ESRRG: variants seen among roughly 807,000 people sequenced by gnomAD.
ESRRG encodes estrogen-related receptor gamma.
ESRRG carries 13 observed loss-of-function variants against 44.0 expected under a neutral mutation model. The ratio of observed to expected loss-of-function variants is 0.30; its 90% confidence interval spans 0.19 to 0.47. The LOEUF (loss-of-function observed/expected upper bound fraction) is 0.47, where lower values mean the gene tolerates loss of function less well. Among genes scored for constraint, ESRRG ranks in the 20% least tolerant of loss-of-function variants. The pLI is 1.00. For missense variants in ESRRG, 395 were observed against 580.6 expected, an observed-to-expected ratio of 0.68 and a Z score of 3.29; for synonymous variants, 215 against 214.6, an observed-to-expected ratio of 1.00 and a Z score of -0.02.
At chr1:216,525,508 C>T (rs185824571) in intron 5 of ESRRG, among the ~76,000 whole-genome samples, 1 of 128,428 alleles carries the variant, frequency 7.8e-6, no homozygotes. Context: ...CAAGTATGGG[C>T]TGAGCTGCCT....
At chr1:216,734,857 C>T (rs375135164) in intron 2 of ESRRG, among the ~76,000 whole-genome samples, 1 of 151,312 alleles carries the variant, frequency 6.6e-6, no homozygotes, top group Non-Finnish European at 1.5e-5. Context: ...CCCCTCTACC[C>T]TGTAAATAAA....
In ESRRG at chr1:217,119,151, G is replaced by C. The variant is rs185436793; in HGVS notation, c.-230+18516C>G. 2.3e-3 allele frequency among the ~76,000 whole-genome samples: 344 copies of C among 152,242 alleles called. 2 individuals are homozygous for C. Among genetic ancestry groups the C allele is most frequent in the African/African-American group, 7.9e-3 (327 of 41,544 alleles). On this transcript the variant is annotated intron_variant, in intron 1 of 8. Coordinates refer to the ESRRG transcript ENST00000366940. ...ATAAAAAGAATTCTTATGCCAATTT[G>C]GGTTAATGCAATTAAAATAGCACCA... is the stretch of plus-strand genomic sequence containing the variant.
rs545458494 is a variant in ESRRG, at chr1:216,765,214, A to T, written c.-13-87723T>A. 8.5e-5 allele frequency among the ~76,000 whole-genome samples: 13 copies of T among 152,220 alleles called. No homozygotes were observed. The East Asian group carries it at 2.5e-3, about 29-fold the overall frequency. ...GATGTCTGGCCTGGAAGAGAAGGGA[A>T]GGGCTGGAGGCAGGAAGGGAGAAAA... On this transcript the variant is annotated intron_variant, in intron 2 of 7. Coordinates refer to the ESRRG transcript ENST00000359162.
chr1:216,660,660 A>G (rs533158129), intron 2 of ESRRG, among the ~76,000 whole-genome samples: 2 of 152,318 alleles, frequency 1.3e-5, no homozygotes, highest in East Asian at 3.9e-4. Context: ...GCCAGTCAGA[A>G]AGGAAATTTT....
At position 216,945,141 on chromosome 1, in the gene ESRRG, T is replaced by G. The variant is rs2065862722; in HGVS notation, c.-105-5468A>C. Among the ~76,000 whole-genome samples, 2 of 152,040 alleles carry G rather than the reference T, an allele frequency of 1.3e-5. 1 individual carries two copies. The highest frequency in any genetic ancestry group is 1.3e-4 in the Admixed American group (2 of 15,272). ...GCGATACCAAGGATTAGCTAAAGCC[T>G]AAACCCAAATGAAAGCACCCTCTGC... On this transcript the variant is annotated intron_variant, in intron 1 of 7. Transcript: ENST00000359162.
intron 1 of ESRRG, among the ~76,000 whole-genome samples, chr1:216,998,099 G>A (rs1218404315): frequency 6.6e-6 from 1 of 152,040 alleles, no homozygotes; most frequent in Non-Finnish European, 1.5e-5. Flanking sequence ...TCATAGCTCT[G>A]GCTAAGGAGC....
intron 2 of ESRRG, among the ~76,000 whole-genome samples, chr1:216,796,853 T>A (rs1159068197): frequency 6.6e-6 from 1 of 152,120 alleles, no homozygotes. Context: ...CAGCATCACT[T>A]TTTTAAAAAA....
intron 2 of ESRRG, among the ~76,000 whole-genome samples, chr1:216,756,134 CTCTA>C (rs1358681825): frequency 6.6e-6 from 1 of 151,932 alleles, no homozygotes; most frequent in East Asian, 1.9e-4. Context: ...ATAGCATCTG[CTCTA>C]TCTAATTCAC....
At position 216,649,868 on chromosome 1, in the gene ESRRG, C is replaced by T. The variant is rs541445369; in HGVS notation, c.589+1105G>A. 1.7e-3 allele frequency among the ~76,000 whole-genome samples: 265 copies of T among 152,152 alleles called. 2 individuals are homozygous for T. The highest frequency in any genetic ancestry group is 2.8e-3 in the Non-Finnish European group (191 of 67,978). On this transcript the variant is annotated intron_variant, in intron 3 of 6. Transcript: ENST00000408911. ...CAAACCAGGAAAAATTATGACACCACGTGATGGCACACACTCATTGACACT... is the reference window on the plus strand; with the variant it reads ...CAAACCAGGAAAAATTATGACACCATGTGATGGCACACACTCATTGACACT...
chr1:217,013,801 C>CCA (rs10693834), intron 1 of ESRRG, among the ~76,000 whole-genome samples: 81,682 of 151,692 alleles, frequency 0.54, 22,417 homozygotes, highest in African/African-American at 0.63. Flanking sequence ...GCACAGTGCT[C>CCA]CCTGACTGGT....
chr1:216,569,132 G>A (rs1445415739), intron 3 of ESRRG, among the ~76,000 whole-genome samples: 2 of 128,160 alleles, frequency 1.6e-5, no homozygotes, highest in Admixed American at 8.2e-5. Context: ...AGGAAGGAAG[G>A]AAAGAAGGAA....
chr1:216,552,533 G>A (rs17611421), intron 5 of ESRRG, among the ~76,000 whole-genome samples: 42,490 of 152,040 alleles, frequency 0.28, 7,145 homozygotes, highest in Admixed American at 0.39. Flanking sequence ...CACTTGGCCT[G>A]CGTTAGCTCA....
At chr1:216,567,352 C>A (rs2059863140) in intron 4 of ESRRG, among the ~76,000 whole-genome samples, 1 of 152,154 alleles carries the variant, frequency 6.6e-6, no homozygotes, top group African/African-American at 2.4e-5. Flanking sequence ...TACCAGTCAT[C>A]CTTTCAAATT....
intron 5 of ESRRG, among the ~76,000 whole-genome samples, chr1:216,548,028 CT>C (rs2055095193): frequency 6.6e-6 from 1 of 151,780 alleles, no homozygotes; most frequent in Non-Finnish European, 1.5e-5. Context: ...CGTGGGTTGG[CT>C]AGCAAAACAA....
At chr1:216,889,497 C>T (rs1429990256) in intron 2 of ESRRG, among the ~76,000 whole-genome samples, 1 of 152,162 alleles carries the variant, frequency 6.6e-6, no homozygotes, top group Non-Finnish European at 1.5e-5. Context: ...AAAATCCCCC[C>T]AGTGAAGGAA....
At chr1:217,123,448 G>GTTC (rs2092848363) in intron 1 of ESRRG, among the ~76,000 whole-genome samples, 1 of 152,052 alleles carries the variant, frequency 6.6e-6, no homozygotes. Flanking sequence ...CTCTTTACAT[G>GTTC]CACATGTATG....
intron 5 of ESRRG, among the ~76,000 whole-genome samples, chr1:216,523,591 A>C (rs1233049568): frequency 2.6e-5 from 4 of 151,916 alleles, no homozygotes; most frequent in Non-Finnish European, 4.4e-5. Context: ...AAGGGCAAAA[A>C]ATATCTGACG....
chr1:217,059,628 A>G (rs2087916328), intron 1 of ESRRG, among the ~76,000 whole-genome samples: 1 of 152,072 alleles, frequency 6.6e-6, no homozygotes, highest in Admixed American at 6.6e-5. Context: ...GAACTGTTTG[A>G]ACTTCAATAA....
intron 1 of ESRRG, among the ~76,000 whole-genome samples, chr1:216,681,221 C>G (rs1038371489): frequency 6.6e-6 from 1 of 152,058 alleles, no homozygotes; most frequent in African/African-American, 2.4e-5. Flanking sequence ...TGAATGAACC[C>G]CCTGAGAATA....
Sources: gnomAD v4.1 joint callset for allele counts (sites outside exome capture counted in the v4.1 genomes callset) on GRCh38, gnomAD v4.1.1 for gene constraint, MANE v1.5 for transcripts, NCBI Gene and HGNC (gene_info 2026-07-23, HGNC 2026-07-21) for gene names.